Variants in CTNNA3 observed in about 807,000 individuals in gnomAD.
CTNNA3 encodes the protein catenin alpha 3, also known as catenin alpha-3.
In CTNNA3, 76 loss-of-function variants were observed where a neutral mutation model predicts 95.7. That is an observed-to-expected ratio of 0.79 (90% CI 0.66 to 0.96). The LOEUF (loss-of-function observed/expected upper bound fraction) is 0.96. Among genes scored for constraint, CTNNA3 ranks in the 40% least tolerant of loss-of-function variants. CTNNA3 has a pLI of 0.00. For missense variants in CTNNA3, 1,191 were observed against 1,089.8 expected (o/e 1.09, Z -1.31); for synonymous variants, 431 against 374.4 (o/e 1.15, Z -1.74).
At chr10:66,925,377 C>G (rs773656878) in intron 7 of CTNNA3, among the ~76,000 whole-genome samples, 1 of 151,822 alleles carries the variant, frequency 6.6e-6, no homozygotes, top group Non-Finnish European at 1.5e-5. Flanking sequence ...AAGTATGAAC[C>G]AAATGATCTC....
chr10:67,648,699 A>G (rs1362926722), intron 1 of CTNNA3: 1 of 1,271,326 alleles, frequency 7.9e-7, no homozygotes, highest in Non-Finnish European at 1.0e-6. Context: ...ATGATACATC[A>G]ACATATAAAG....
chr10:66,472,835 T>C (rs1839184327), intron 11 of CTNNA3, among the ~76,000 whole-genome samples: 1 of 151,934 alleles, frequency 6.6e-6, no homozygotes, highest in Admixed American at 6.6e-5. Flanking sequence ...AAATATAGTG[T>C]GGTAGTAACT....
At chr10:66,461,238 T>G (rs2093527202) in intron 11 of CTNNA3, among the ~76,000 whole-genome samples, 1 of 152,088 alleles carries the variant, frequency 6.6e-6, no homozygotes, top group African/African-American at 2.4e-5. Context: ...CTGAGCATTG[T>G]GTACTCATAA....
At chr10:66,523,937 G>A (rs1428573442) in intron 10 of CTNNA3, among the ~76,000 whole-genome samples, 4 of 152,072 alleles carry the variant, frequency 2.6e-5, no homozygotes, top group East Asian at 3.9e-4. Context: ...GTCTAAAACC[G>A]TCCCCAGGTT....
chr10:66,462,301 T>C (rs16923095), intron 11 of CTNNA3, among the ~76,000 whole-genome samples: 17,311 of 152,102 alleles, frequency 0.11, 1,388 homozygotes, highest in African/African-American at 0.23. Flanking sequence ...TTCAATATCA[T>C]GTTACACAAT....
intron 13 of CTNNA3, among the ~76,000 whole-genome samples, chr10:66,213,678 A>G (rs1016766865): frequency 7.9e-5 from 12 of 152,166 alleles, no homozygotes; most frequent in Non-Finnish European, 1.5e-4. Flanking sequence ...ACTATGAACT[A>G]ATTTGAGACT....
At chr10:66,787,961 T>A (rs187474063) in intron 7 of CTNNA3, among the ~76,000 whole-genome samples, 103 of 152,286 alleles carry the variant, frequency 6.8e-4, no homozygotes, top group Non-Finnish European at 1.2e-3. Context: ...AAAATAACCA[T>A]TTGAAACACA....
At chr10:66,511,918 A>G (rs1395179279) in intron 11 of CTNNA3, among the ~76,000 whole-genome samples, 3 of 151,858 alleles carry the variant, frequency 2.0e-5, no homozygotes, top group Non-Finnish European at 2.9e-5. Flanking sequence ...TTCTTTGTTG[A>G]CTTTCTGTAT....
At chr10:66,478,121 C>T (rs2441732) in intron 11 of CTNNA3, among the ~76,000 whole-genome samples, 1 of 152,070 alleles carries the variant, frequency 6.6e-6, no homozygotes, top group South Asian at 2.1e-4. Flanking sequence ...AATGCTCCAG[C>T]ATGCACTTTT....
intron 17 of CTNNA3, among the ~76,000 whole-genome samples, chr10:65,955,879 G>C (rs962442433): frequency 3.9e-5 from 6 of 152,124 alleles, no homozygotes; most frequent in African/African-American, 1.2e-4. Context: ...CCAGGCTTTG[G>C]TATCAGGATG....
At chr10:67,135,151 T>C (rs541222587) in intron 7 of CTNNA3, among the ~76,000 whole-genome samples, 4 of 152,010 alleles carry the variant, frequency 2.6e-5, no homozygotes, top group Admixed American at 6.6e-5. Context: ...GAGAATGAAA[T>C]AGTATAATGA....
chr10:67,109,968 T>A (rs1460143408), intron 7 of CTNNA3, among the ~76,000 whole-genome samples: 1 of 152,252 alleles, frequency 6.6e-6, no homozygotes, highest in Non-Finnish European at 1.5e-5. Flanking sequence ...TTGTGCCTAA[T>A]ATTCTAAAAT....
intron 9 of CTNNA3, among the ~76,000 whole-genome samples, chr10:66,644,887 T>C (rs551431563): frequency 1.3e-5 from 2 of 152,270 alleles, no homozygotes; most frequent in South Asian, 4.1e-4. Context: ...TTTATAACTA[T>C]ATCCATCTCC....
intron 14 of CTNNA3, among the ~76,000 whole-genome samples, chr10:66,100,187 T>C (rs1197543033): frequency 6.6e-6 from 1 of 152,120 alleles, no homozygotes. Context: ...TCAACATGGT[T>C]ACTACTTGAT....
At chr10:67,385,040 T>C (rs1469452357) in intron 5 of CTNNA3, among the ~76,000 whole-genome samples, 1 of 152,224 alleles carries the variant, frequency 6.6e-6, no homozygotes, top group Non-Finnish European at 1.5e-5. Context: ...TTTTACATGC[T>C]ACTTTGTTGC....
At chr10:67,181,411 G>A (rs189074305) in intron 6 of CTNNA3, among the ~76,000 whole-genome samples, 1 of 152,230 alleles carries the variant, frequency 6.6e-6, no homozygotes, top group East Asian at 1.9e-4. Context: ...CTCCAAGAGA[G>A]GAAGTCTTTC....
intron 10 of CTNNA3, among the ~76,000 whole-genome samples, chr10:66,613,635 A>G (rs1477972077): frequency 1.3e-5 from 2 of 152,106 alleles, no homozygotes; most frequent in African/African-American, 4.8e-5. Flanking sequence ...CACCCTAGTC[A>G]GTCTTGAGGA....
intron 3 of CTNNA3, among the ~76,000 whole-genome samples, chr10:67,590,369 A>G (rs1342366772): frequency 6.6e-6 from 1 of 152,090 alleles, no homozygotes; most frequent in African/African-American, 2.4e-5. Context: ...AAAAAAGTCT[A>G]TTGCATTTCT....
intron 7 of CTNNA3, among the ~76,000 whole-genome samples, chr10:67,171,451 G>A (rs1361975661): frequency 6.6e-6 from 1 of 151,972 alleles, no homozygotes; most frequent in African/African-American, 2.4e-5. Flanking sequence ...GCATATGCCT[G>A]TAATCCCAGC....
Sources: gnomAD v4.1 joint callset for allele counts (sites outside exome capture counted in the v4.1 genomes callset) on GRCh38, gnomAD v4.1.1 for gene constraint, MANE v1.5 for transcripts, NCBI Gene and HGNC (gene_info 2026-07-23, HGNC 2026-07-21) for gene names.